The following MGAT5 variants were observed in gnomAD, a reference collection of about 807,000 sequenced individuals.
The protein encoded by MGAT5 is alpha-1,6-mannosylglycoprotein 6-beta-N-acetylglucosaminyltransferase, also known as alpha-1,6-mannosylglycoprotein 6-beta-N-acetylglucosaminyltransferase A.
MGAT5 carries 30 observed loss-of-function variants against 94.3 expected under a neutral mutation model. The ratio of observed to expected loss-of-function variants is 0.32; its 90% CI spans 0.24 to 0.43. The LOEUF is 0.43. MGAT5 is among the 20% of genes least tolerant of loss of function. The pLI, the probability that MGAT5 is intolerant of heterozygous loss-of-function variation, is 1.00. For missense variants in MGAT5, 691 were observed against 905.5 expected, an observed-to-expected ratio of 0.76 and a Z score of 3.04; for synonymous variants, 310 against 322.9, an observed-to-expected ratio of 0.96 and a Z score of 0.43.
intron 2 of MGAT5, among the ~76,000 whole-genome samples, chr2:134,288,152 A>G (rs953007737): frequency 2.0e-5 from 3 of 152,336 alleles, no homozygotes; most frequent in East Asian, 1.9e-4. Context: ...GTCTCCTGAC[A>G]TGGCTCTGGT....
chr2:134,136,711 C>A (rs532792298), intron 1 of MGAT5, among the ~76,000 whole-genome samples: 23 of 152,256 alleles, frequency 1.5e-4, no homozygotes, highest in Middle Eastern at 3.4e-3. Context: ...CCATAGGCTG[C>A]CCCTAGTTTG....
intron 5 of MGAT5, 43 bp downstream of exon 5, chr2:134,336,331 G>A (rs1688328225): frequency 6.7e-7 from 1 of 1,496,014 alleles, no homozygotes; most frequent in African/African-American, 1.4e-5. Context: ...GTGCATTTAG[G>A]TCAGATGCCA....
At position 134,270,682 on chromosome 2, in the gene MGAT5, A is replaced by C; in HGVS notation, c.406+132A>C. On this transcript the variant is annotated intron_variant, in intron 2 of 15. Coordinates refer to ENST00000281923, the MANE Select transcript of MGAT5 (RefSeq NM_002410.5). ...TCTATAAACTTGGCATGGCCATTGT[A>C]AAGATAAGTCTAAATTTATTTTTTA... 8 of 871,364 alleles carry C rather than the reference A, an allele frequency of 9.2e-6. No homozygotes were observed. In the South Asian group the frequency reaches 1.8e-4, roughly 19 times the overall value. The allele number at this position is 871,364 out of a possible 1,614,324, so 54.0% of individuals were successfully genotyped here.
chr2:134,193,204 C>A (rs1258386898), intron 1 of MGAT5, among the ~76,000 whole-genome samples: 1 of 151,446 alleles, frequency 6.6e-6, no homozygotes, highest in East Asian at 1.9e-4. Flanking sequence ...CTCACTGCAG[C>A]CTTGAATTCC....
intron 10 of MGAT5, among the ~76,000 whole-genome samples, chr2:134,384,031 G>T (rs1202808836): frequency 6.6e-6 from 1 of 151,920 alleles, no homozygotes. Context: ...TCAAAAGAAG[G>T]GTATATTGGA....
In MGAT5 at chr2:134,189,602, G is replaced by GTTTTGTTTTGTTTTT. The variant is rs1553490380; in HGVS notation, c.-142-64656_-142-64655insGTTTTGTTTTTTTTT. On this transcript the variant is annotated intron_variant, in intron 1 of 16. Transcript: ENST00000409645. Reference sequence around the variant, plus strand: ...AACCTCATGGCTCTAGTTTTTTTTTGTTTTTTTTTTTTTTTTTTAAGACAG... The same window carrying GTTTTGTTTTGTTTTT: ...AACCTCATGGCTCTAGTTTTTTTTTGTTTTGTTTTGTTTTTTTTTTTTTTTTTTTTTTTAAGACAG... Among the ~76,000 whole-genome samples the GTTTTGTTTTGTTTTT allele has an allele frequency of 9.4e-3, 797 of 84,626 alleles. 14 individuals carry two copies. The highest frequency in any genetic ancestry group is 0.013 in the Non-Finnish European group (551 of 43,552). 55.5% of individuals were successfully genotyped at this position (84,626 alleles called of 152,430 possible).
intron 1 of MGAT5, among the ~76,000 whole-genome samples, chr2:134,240,362 T>G (rs894757340): frequency 1.3e-5 from 2 of 151,792 alleles, no homozygotes; most frequent in East Asian, 3.9e-4. Flanking sequence ...AAAGTGTTTT[T>G]TTTTTTTTTT....
At chr2:134,199,163 G>A (rs1367858695) in intron 1 of MGAT5, among the ~76,000 whole-genome samples, 1 of 152,188 alleles carries the variant, frequency 6.6e-6, no homozygotes, top group Admixed American at 6.5e-5. Flanking sequence ...ATTTCTTGGG[G>A]AAATCTCATG....
chr2:134,273,021 G>A (rs1684126069), intron 2 of MGAT5, among the ~76,000 whole-genome samples: 1 of 149,060 alleles, frequency 6.7e-6, no homozygotes, highest in African/African-American at 2.5e-5. Context: ...GTGTGTGTGT[G>A]CGCGCGCGCG....
At position 134,122,043 on chromosome 2, in the gene MGAT5, G is replaced by A. The variant is rs183643156; in HGVS notation, c.-143+1752G>A. 3.9e-3 allele frequency among the ~76,000 whole-genome samples: 589 copies of A among 151,982 alleles called. 1 individual carries two copies. Among genetic ancestry groups the A allele is most frequent in the Middle Eastern group, 0.014 (4 of 290 alleles). ...CCTATAAATTATTTTTGTTGCTATT[G>A]TTCAGGGCTGAGATGGGCATCCTCA... is the stretch of plus-strand genomic sequence containing the variant. On this transcript the variant is annotated intron_variant, in intron 1 of 16. Coordinates refer to the MGAT5 transcript ENST00000409645.
intron 14 of MGAT5, among the ~76,000 whole-genome samples, chr2:134,432,345 T>TA (rs1425803672): frequency 7.3e-5 from 11 of 151,222 alleles, no homozygotes; most frequent in Admixed American, 1.3e-4. Flanking sequence ...AGAGGGAGGG[T>TA]AAAAAAAAGA....
intron 1 of MGAT5, among the ~76,000 whole-genome samples, chr2:134,204,456 G>A (rs1287545426): frequency 6.6e-6 from 1 of 152,140 alleles, no homozygotes; most frequent in African/African-American, 2.4e-5. Flanking sequence ...TGATGTCCTG[G>A]GGTTAAGTGA....
rs78714165 is a variant in MGAT5 at position 134,415,627 on chromosome 2, C to A, written c.1677+2612C>A. Among the ~76,000 whole-genome samples, 85 of 152,256 alleles carry A rather than the reference C, an allele frequency of 5.6e-4. 2 individuals carry two copies. The East Asian group carries it at 0.015, about 26-fold the overall frequency. ...TGTGCAGAAGCTCTTTAGTTTGATG[C>A]AATCTCAGTTGCCTGTTTTTGCTTT... On this transcript the variant is annotated intron_variant, in intron 12 of 15. Transcript: ENST00000281923.
chr2:134,158,093 T>A (rs1687563007), intron 1 of MGAT5, among the ~76,000 whole-genome samples: 1 of 152,170 alleles, frequency 6.6e-6, no homozygotes, highest in Non-Finnish European at 1.5e-5. Flanking sequence ...TGGGCGGCCA[T>A]GGGCAGGCCA....
At chr2:134,175,732 T>G (rs1172780058) in intron 1 of MGAT5, among the ~76,000 whole-genome samples, 1 of 152,240 alleles carries the variant, frequency 6.6e-6, no homozygotes, top group African/African-American at 2.4e-5. Context: ...ACTTTGTGAA[T>G]AATTTCTCTT....
intron 10 of MGAT5, among the ~76,000 whole-genome samples, chr2:134,379,544 C>T (rs891065146): frequency 5.3e-5 from 8 of 152,126 alleles, no homozygotes; most frequent in African/African-American, 1.7e-4. Flanking sequence ...GGAGGCAGCC[C>T]GCCAGCACCT....
chr2:134,207,599 C>G (rs1038180324), intron 1 of MGAT5, among the ~76,000 whole-genome samples: 1 of 150,852 alleles, frequency 6.6e-6, no homozygotes, highest in Non-Finnish European at 1.5e-5. Flanking sequence ...AAGAAAAATA[C>G]AGTTGCTTAC....
chr2:134,344,985 A>G lies in MGAT5; in HGVS notation c.1033A>G (p.Ile345Val), dbSNP rs140937382. The change falls in exon 8 of 16, where the codon ATT becomes GTT. Residue 345 changes from isoleucine to valine, a missense_variant. By Grantham distance (29) the Ile-to-Val change is conservative (BLOSUM62 3). Coordinates refer to ENST00000281923, the MANE Select transcript of MGAT5 (RefSeq NM_002410.5). ...RSGCPTVGDRIVELIYIDIVG... is the reference protein window; with the variant it reads ...RSGCPTVGDRVVELIYIDIVG... ...TGGCTGCCCAACTGTAGGAGACAGA[A>G]TTGTTGAGCTCATTTACATTGATAT... The G allele has an allele frequency of 8.1e-5, 131 of 1,613,676 alleles. 1 individual carries two copies. The African/African-American group carries it at 1.4e-3, about 18-fold the overall frequency.
intron 2 of MGAT5, among the ~76,000 whole-genome samples, chr2:134,296,699 C>A (rs113942666): frequency 6.6e-6 from 1 of 151,872 alleles, no homozygotes; most frequent in African/African-American, 2.4e-5. Flanking sequence ...TGTTATTTTA[C>A]TTTGTTAAGA....
Sources: gnomAD v4.1 joint callset for allele counts (sites outside exome capture counted in the v4.1 genomes callset) on GRCh38, gnomAD v4.1.1 for gene constraint, MANE v1.5 for transcripts, NCBI Gene and HGNC (gene_info 2026-07-23, HGNC 2026-07-21) for gene names.